RNF19A: variants seen among roughly 807,000 people sequenced by gnomAD.
The protein encoded by RNF19A is E3 ubiquitin-protein ligase RNF19A.
A neutral mutation model predicts 75.7 loss-of-function variants in RNF19A; 32 were observed. The ratio of observed to expected loss-of-function variants is 0.42; its 90% confidence interval spans 0.32 to 0.57. The LOEUF is 0.57. Among genes scored for constraint, RNF19A ranks in the 20% least tolerant of loss-of-function variants. The probability of loss-of-function intolerance (pLI) is 0.10; values close to 1 mark genes in which losing one functional copy is unlikely to be tolerated. For missense variants in RNF19A, 782 were observed against 1,036.3 expected (o/e 0.75, Z 3.37); for synonymous variants, 335 against 345.2 (o/e 0.97, Z 0.33).
upstream of RNF19A, chr8:100,312,441 G>A (rs1392012120): frequency 6.6e-6 from 1 of 152,308 alleles, no homozygotes; most frequent in African/African-American, 2.4e-5. Context: ...ACAAAAATTA[G>A]CCTGGCATGG....
At position 100,257,541 on chromosome 8, in the gene RNF19A, G is replaced by A. The variant is rs1819513913; in HGVS notation, c.*1015C>T. The A allele has an allele frequency of 1.3e-5, 2 of 153,300 alleles. No homozygotes were observed. Among genetic ancestry groups the A allele is most frequent in the Admixed American group, 6.5e-5 (1 of 15,302 alleles). 9.5% of individuals were successfully genotyped at this position (153,300 alleles called of 1,614,324 possible). On this transcript the variant is annotated 3_prime_UTR_variant, in exon 10 of 10. Transcript: ENST00000341084. ...TTGATTTCATGGTTGGAGAAGATAT[G>A]CATGTGTTAAAAACTGAGGTTATGT...
At position 100,258,422 on chromosome 8, in the gene RNF19A, C is replaced by T. The variant is rs1412991780; in HGVS notation, c.*134G>A. 2 of 693,554 alleles carry T rather than the reference C, an allele frequency of 2.9e-6. No individual in the cohort carries two copies. Among genetic ancestry groups the T allele is most frequent in the Admixed American group, 3.0e-5 (1 of 33,224 alleles). The allele number at this position is 693,554 out of a possible 1,614,324, so 43.0% of individuals were successfully genotyped here. A position where few individuals can be genotyped will look rare whatever the true frequency, so the allele number is the denominator to read the frequency against. ...ACATGACACACAATGCCTTGCTGAA[C>T]ACAGAAAATGTATCTGCATTATGAT... On this transcript the variant is annotated 3_prime_UTR_variant, in exon 10 of 10. Coordinates refer to ENST00000341084, the MANE Select transcript of RNF19A (RefSeq NM_183419.4). This position sits in a 1 kb window ranked among gnomAD's most constrained non-coding sequence, Gnocchi z 4.3.
Position 100,287,850 on chromosome 8 carries a change from A to C in RNF19A, c.325T>G (p.Phe109Val). ...SEMCTDKNSIFSTNTSSDNGL... is the reference protein window; with the variant it reads ...SEMCTDKNSIVSTNTSSDNGL... ...TTGTCAGAAGAGGTATTTGTAGAGA[A>C]AATGGAGTTCTTATCAGTACACATT... Residue 109 changes from phenylalanine (F) to valine (V), a missense_variant, in exon 2 of 10, where the codon TTC (phenylalanine) becomes GTC (valine). Phe to Val is a conservative substitution (Grantham distance 50). This residue lies in a region of RNF19A where 148 missense variants were observed against 147.9 expected (regional missense o/e 1.00). Transcript: ENST00000341084. This position sits in a 1 kb window ranked among gnomAD's most constrained non-coding sequence, Gnocchi z 4.1. 6.2e-7 allele frequency: 1 copy of C among 1,614,196 alleles called. No individual in the cohort carries two copies. The highest frequency in any genetic ancestry group is 1.7e-5 in the Admixed American group (1 of 60,024).
Position 100,323,333 on chromosome 8 carries a change from C to T in RNF19A, c.-242-9961G>A. Reference sequence around the variant, plus strand: ...AGTTTTATCTGAATATTTTCCTTTTCCTTTCACATTGTATTTAATTCATAT... The same window carrying T: ...AGTTTTATCTGAATATTTTCCTTTTTCTTTCACATTGTATTTAATTCATAT... On this transcript the variant is annotated intron_variant, in intron 1 of 3. Transcript: ENST00000519527. This position sits in a 1 kb window ranked among gnomAD's most constrained non-coding sequence, Gnocchi z 4.6. 6.6e-6 allele frequency among the ~76,000 whole-genome samples: 1 copy of T among 152,160 alleles called. No homozygotes were observed.
At chr8:100,285,281 C>A (rs1354110288) in intron 2 of RNF19A, among the ~76,000 whole-genome samples, 1 of 152,106 alleles carries the variant, frequency 6.6e-6, no homozygotes, top group Non-Finnish European at 1.5e-5. Flanking sequence ...ACCTACACCT[C>A]TGTAATCTGT....
At chr8:100,314,517 C>T (rs1239497197), upstream of RNF19A, among the ~76,000 whole-genome samples, 1 of 152,156 alleles carries the variant, frequency 6.6e-6, no homozygotes, top group Non-Finnish European at 1.5e-5. This position sits in a 1 kb window ranked among gnomAD's most constrained non-coding sequence, Gnocchi z 4.1. Context: ...GGTGTCACAG[C>T]CTAAGTGAAC....
At chr8:100,290,826 C>A (rs1334623487) in intron 1 of RNF19A, among the ~76,000 whole-genome samples, 1 of 152,150 alleles carries the variant, frequency 6.6e-6, no homozygotes, top group Admixed American at 6.5e-5. Context: ...CAAACCTGTA[C>A]AGTATGTTAC....
intron 1 of RNF19A, among the ~76,000 whole-genome samples, chr8:100,302,365 G>T (rs147234793): frequency 1.9e-4 from 29 of 152,288 alleles, no homozygotes; most frequent in Non-Finnish European, 3.2e-4. Context: ...GATTACAAGA[G>T]GATTTGGCCT....
chr8:100,329,644 A>G lies in RNF19A; in HGVS notation c.-243+6464T>C, dbSNP rs1032868833. On this transcript the variant is annotated intron_variant, in intron 1 of 3. Coordinates refer to the RNF19A transcript ENST00000519527. The surrounding 1 kb of genome is among the most constrained non-coding windows in gnomAD (Gnocchi z 4.3). ...TCCAAAGACAGACAACTAGGTTAAG[A>G]GAAGTCTGGAAACCATGTCACCTGA... Among the ~76,000 whole-genome samples the G allele has an allele frequency of 6.6e-6, 1 of 152,220 alleles. No individual in the cohort carries two copies. Among genetic ancestry groups the G allele is most frequent in the African/African-American group, 2.4e-5 (1 of 41,466 alleles).
Position 100,261,864 on chromosome 8 carries a change from G to A in RNF19A, c.1469-109C>T, listed in dbSNP as rs183790833. ...ACATTATATAAGGTATAAAATATAC[G>A]CAGACATGGAAAAATATTTTTTTCA... On this transcript the variant is annotated intron_variant, in intron 7 of 9. Coordinates refer to ENST00000341084, the MANE Select transcript of RNF19A (RefSeq NM_183419.4). The surrounding 1 kb of genome is among the most constrained non-coding windows in gnomAD (Gnocchi z 4.4). The A allele has an allele frequency of 5.6e-5, 61 of 1,097,420 alleles. No homozygotes were observed. Among genetic ancestry groups the A allele is most frequent in the Admixed American group, 2.9e-4 (14 of 47,954 alleles). 68.0% of individuals were successfully genotyped at this position (1,097,420 alleles called of 1,614,324 possible).
rs1819603845 is a variant in RNF19A at position 100,259,306 on chromosome 8, T to C, written c.1827-60A>G. ...GCTGACTTCTTTTTGTTCAGATGAC[T>C]GGGGGAAGGGTTTCTATGTGGAAAA... On this transcript the variant is annotated intron_variant, in intron 9 of 9. Coordinates refer to ENST00000341084, the MANE Select transcript of RNF19A (RefSeq NM_183419.4). The surrounding 1 kb of genome is among the most constrained non-coding windows in gnomAD (Gnocchi z 4.5). 7.2e-7 allele frequency: 1 copy of C among 1,384,710 alleles called. No individual in the cohort carries two copies. The highest frequency in any genetic ancestry group is 9.9e-7 in the Non-Finnish European group (1 of 1,007,798). 85.8% of individuals were successfully genotyped at this position (1,384,710 alleles called of 1,614,324 possible). A position where few individuals can be genotyped will look rare whatever the true frequency, so the allele number is the denominator to read the frequency against.
rs1285142992 is a variant in RNF19A at position 100,261,945 on chromosome 8, T to C, written c.1469-190A>G. ...GCCAACAATTTTAAATGGTCACTAG[T>C]TTCTTTTTTCAAAAACCCAGATTTA... On this transcript the variant is annotated intron_variant, in intron 7 of 9. Transcript: ENST00000341084. The surrounding 1 kb of genome is among the most constrained non-coding windows in gnomAD (Gnocchi z 4.4). 6.6e-6 allele frequency among the ~76,000 whole-genome samples: 1 copy of C among 152,204 alleles called. No homozygotes were observed. The highest frequency in any genetic ancestry group is 1.9e-4 in the East Asian group (1 of 5,202).
At chr8:100,281,441 G>A (rs1170254398) in intron 2 of RNF19A, among the ~76,000 whole-genome samples, 1 of 152,036 alleles carries the variant, frequency 6.6e-6, no homozygotes, top group Non-Finnish European at 1.5e-5. Flanking sequence ...AATATCTCCT[G>A]GGAGAATTTC....
rs1274189086 is a variant in RNF19A at position 100,330,843 on chromosome 8, A to C, written c.-243+5265T>G. ...TGGCCCTGCCCACCTCTCCAACTTC[A>C]TCTCTCTCCACAACCCTCTTGAGAC... On this transcript the variant is annotated intron_variant, in intron 1 of 3. Transcript: ENST00000519527. The surrounding 1 kb of genome is among the most constrained non-coding windows in gnomAD (Gnocchi z 4.1). Among the ~76,000 whole-genome samples, 1 of 152,104 alleles carries C rather than the reference A, an allele frequency of 6.6e-6. No individual in the cohort carries two copies. The highest frequency in any genetic ancestry group is 1.9e-4 in the East Asian group (1 of 5,194).
chr8:100,292,293 A>C (rs767311401), intron 1 of RNF19A, among the ~76,000 whole-genome samples: 5 of 152,124 alleles, frequency 3.3e-5, no homozygotes, highest in African/African-American at 1.2e-4. Flanking sequence ...GATAGCAAAG[A>C]TATTTTTAGT....
chr8:100,261,490 T>A lies in RNF19A; in HGVS notation c.1682+52A>T. The A allele has an allele frequency of 7.1e-7, 1 of 1,412,422 alleles. No individual in the cohort carries two copies. The highest frequency in any genetic ancestry group is 1.0e-6 in the Non-Finnish European group (1 of 998,326). 87.5% of individuals were successfully genotyped at this position (1,412,422 alleles called of 1,614,324 possible). ...TTTATGTTCAAAATTCTCACCTAAT[T>A]AATAATTTGTAGTTACCAGAAAGCA... is the stretch of plus-strand genomic sequence containing the variant. On this transcript the variant is annotated intron_variant, in intron 8 of 9. Transcript: ENST00000341084. The surrounding 1 kb of genome is among the most constrained non-coding windows in gnomAD (Gnocchi z 4.4).
At chr8:100,302,712 C>A (rs1821890321) in intron 1 of RNF19A, among the ~76,000 whole-genome samples, 1 of 152,000 alleles carries the variant, frequency 6.6e-6, no homozygotes, top group African/African-American at 2.4e-5. Context: ...GAGGCGAATC[C>A]AGTAAAGGAG....
Position 100,288,040 on chromosome 8 carries a change from C to T in RNF19A, c.135G>A (p.Gln45=), listed in dbSNP as rs780673010. The part of the protein sequence containing the change: ...HRQMGSDRDL[Q]SSASSVSLPS... ...GCAAGCTCACAGATGAAGCAGAGGA[C>T]TGAAGATCTCGATCTGAACCCATTT... Residue 45 remains glutamine, a synonymous_variant, in exon 2 of 10, where the codon CAG becomes CAA. Transcript: ENST00000341084. The T allele has an allele frequency of 6.2e-7, 1 of 1,614,154 alleles. No individual in the cohort carries two copies. Among genetic ancestry groups the T allele is most frequent in the Admixed American group, 1.7e-5 (1 of 60,026 alleles).
intron 1 of RNF19A, among the ~76,000 whole-genome samples, chr8:100,319,993 G>A (rs1334141188): frequency 1.3e-5 from 2 of 150,028 alleles, no homozygotes; most frequent in African/African-American, 4.9e-5. Flanking sequence ...CCGCCACCAT[G>A]CCTGGCTAAT....
Sources: gnomAD v4.1 joint callset for allele counts (sites outside exome capture counted in the v4.1 genomes callset) on GRCh38, gnomAD v4.1.1 for gene constraint, gnomAD v4.1.1 regional missense constraint, Gnocchi (gnomAD v3.1) non-coding constraint, MANE v1.5 for transcripts, NCBI Gene and HGNC (gene_info 2026-07-23, HGNC 2026-07-21) for gene names.